CLIP1: variants seen among roughly 807,000 people sequenced by gnomAD.
The protein encoded by CLIP1 is CAP-Gly domain containing linker protein 1.
CLIP1 carries 66 observed loss-of-function variants against 161.6 expected under a neutral mutation model. The observed-to-expected ratio is 0.41, with a 90% CI of 0.33 to 0.50. CLIP1 has a LOEUF of 0.50. Among genes scored for constraint, CLIP1 ranks in the 20% least tolerant of loss-of-function variants. The pLI, the probability that CLIP1 is intolerant of heterozygous loss-of-function variation, is 0.27. For synonymous variants in CLIP1, 598 were observed against 626.2 expected, an observed-to-expected ratio of 0.96 and a Z score of 0.67; for missense variants, 1,376 against 1,702.0, an observed-to-expected ratio of 0.81 and a Z score of 3.37.
chr12:122,354,406 A>C, intron 7 of CLIP1, 47 bp downstream of exon 7: 1 of 1,491,710 alleles, frequency 6.7e-7, no homozygotes, highest in Non-Finnish European at 9.3e-7. Context: ...AAAACAAAAA[A>C]AAAGGGGGAA....
chr12:122,328,525 A>G (rs1951799087), intron 15 of CLIP1, 99 bp from the exon 16 acceptor site: 1 of 695,586 alleles, frequency 1.4e-6, no homozygotes, highest in Admixed American at 3.9e-5. Context: ...ATTATTTTCA[A>G]AAGTTATGTG....
At chr12:122,310,229 G>C (rs1951015048) in intron 19 of CLIP1, among the ~76,000 whole-genome samples, 3 of 152,056 alleles carry the variant, frequency 2.0e-5, no homozygotes, top group Admixed American at 2.0e-4. Context: ...ATTTCCATTA[G>C]ATGATTTTAC....
At chr12:122,366,492 T>C (rs1447254057) in intron 3 of CLIP1, among the ~76,000 whole-genome samples, 1 of 151,746 alleles carries the variant, frequency 6.6e-6, no homozygotes, top group Non-Finnish European at 1.5e-5. Flanking sequence ...AAAATAATAA[T>C]TGACTCTTGC....
chr12:122,322,634 A>G (rs1208124653), intron 17 of CLIP1: 1 of 152,124 alleles, frequency 6.6e-6, no homozygotes, highest in Non-Finnish European at 1.5e-5. Flanking sequence ...CTCGATACAC[A>G]CTCTTAACTC....
rs560632569 is a variant in CLIP1 at position 122,288,797 on chromosome 12, A to G, written c.3595-256T>C. ...ATTAAACAATCACACCTTGAACACA[A>G]CGAAGCACATCTTTTTTTTTTTTTT... On this transcript the variant is annotated intron_variant, in intron 20 of 25. Transcript: ENST00000620786. Among the ~76,000 whole-genome samples, 14 of 148,942 alleles carry G rather than the reference A, an allele frequency of 9.4e-5. 1 individual carries two copies. In the South Asian group the frequency reaches 2.8e-3, roughly 30 times the overall value.
At chr12:122,284,302 A>G (rs1297528450) in intron 21 of CLIP1, among the ~76,000 whole-genome samples, 2 of 152,124 alleles carry the variant, frequency 1.3e-5, no homozygotes, top group Non-Finnish European at 2.9e-5. Context: ...GACATAAAAC[A>G]GGAACAGAGA....
At chr12:122,339,467 A>G (rs1182422597) in intron 11 of CLIP1, among the ~76,000 whole-genome samples, 1 of 151,982 alleles carries the variant, frequency 6.6e-6, no homozygotes, top group African/African-American at 2.4e-5. Flanking sequence ...CCTCCTGAGT[A>G]GCTGGGACTA....
chr12:122,379,943 T>TAAAAAAAAAAAA lies in CLIP1; in HGVS notation c.85+424_85+425insTTTTTTTTTTTT, dbSNP rs1566198620. 2.1e-4 allele frequency among the ~76,000 whole-genome samples: 15 copies of TAAAAAAAAAAAA among 70,396 alleles called. 3 individuals are homozygous for TAAAAAAAAAAAA. The East Asian group carries it at 6.0e-3, about 28-fold the overall frequency. 46.2% of individuals were successfully genotyped at this position (70,396 alleles called of 152,430 possible). On this transcript the variant is annotated intron_variant, in intron 2 of 25. Transcript: ENST00000620786. ...TGGGGAATAGAGCAAGACTCCATCT[T>TAAAAAAAAAAAA]TAAAAAAAAAAAAAAAAAATGCAAG...
At chr12:122,296,212 G>C (rs1950462811) in intron 20 of CLIP1, among the ~76,000 whole-genome samples, 3 of 152,142 alleles carry the variant, frequency 2.0e-5, no homozygotes, top group Admixed American at 1.3e-4. Flanking sequence ...AGAATGAACT[G>C]ACTATAAAGG....
intron 11 of CLIP1, among the ~76,000 whole-genome samples, chr12:122,339,206 C>T (rs1952378373): frequency 6.6e-6 from 1 of 152,084 alleles, no homozygotes; most frequent in African/African-American, 2.4e-5. Context: ...TCAGTATTTC[C>T]CCCAGAAAAG....
chr12:122,413,628 G>A (rs1367015125), intron 1 of CLIP1, among the ~76,000 whole-genome samples: 7 of 152,180 alleles, frequency 4.6e-5, no homozygotes, highest in African/African-American at 1.7e-4. Context: ...ATGTCTGCCT[G>A]TAGTCTCATT....
chr12:122,374,965 AAC>A (rs1420792426), intron 3 of CLIP1, among the ~76,000 whole-genome samples: 2 of 152,158 alleles, frequency 1.3e-5, no homozygotes, highest in Non-Finnish European at 2.9e-5. Context: ...ACCACGTTGA[AAC>A]ACAACAGCTG....
At chr12:122,349,058 T>C (rs1952891362) in intron 9 of CLIP1, among the ~76,000 whole-genome samples, 1 of 152,220 alleles carries the variant, frequency 6.6e-6, no homozygotes, top group Admixed American at 6.5e-5. Context: ...TGAAATACAA[T>C]TCAAGCCCTA....
At chr12:122,363,226 G>A (rs952510089) in intron 4 of CLIP1, among the ~76,000 whole-genome samples, 4 of 152,136 alleles carry the variant, frequency 2.6e-5, no homozygotes, top group East Asian at 1.9e-4. Flanking sequence ...CAGGCTGGAC[G>A]CGGTGGCTCA....
At chr12:122,368,073 C>T (rs775926779) in intron 3 of CLIP1, among the ~76,000 whole-genome samples, 5 of 152,262 alleles carry the variant, frequency 3.3e-5, no homozygotes, top group Middle Eastern at 3.4e-3. Flanking sequence ...CATGTAACTC[C>T]TAATACTGTG....
chr12:122,332,184 A>C (rs1158139862), intron 15 of CLIP1, among the ~76,000 whole-genome samples: 1 of 151,088 alleles, frequency 6.6e-6, no homozygotes. Context: ...AATCTCAGCT[A>C]CTCGGGAGGC....
In CLIP1 at chr12:122,285,722, C is replaced by G. The variant is rs149505978; in HGVS notation, c.3647+2767G>C. Among the ~76,000 whole-genome samples the G allele has an allele frequency of 1.4e-3, 206 of 151,730 alleles. 1 individual carries two copies. The highest frequency in any genetic ancestry group is 2.2e-3 in the Non-Finnish European group (150 of 67,892). ...GAACTCTTGTGCTCAACTGATCCTC[C>G]CTTTTTGGCCTCCCAAAGTGCTGGG... On this transcript the variant is annotated intron_variant, in intron 21 of 25. Coordinates refer to ENST00000620786, the MANE Select transcript of CLIP1 (RefSeq NM_001247997.2).
At chr12:122,398,057 G>A (rs1303605858) in intron 1 of CLIP1, among the ~76,000 whole-genome samples, 2 of 152,062 alleles carry the variant, frequency 1.3e-5, no homozygotes, top group Non-Finnish European at 2.9e-5. Context: ...TAATACAGTG[G>A]CAAACAGATA....
chr12:122,312,205 A>T (rs1442774302), intron 19 of CLIP1, among the ~76,000 whole-genome samples: 1 of 152,252 alleles, frequency 6.6e-6, no homozygotes, highest in Non-Finnish European at 1.5e-5. Context: ...TTATCATGCT[A>T]AATGTATTGT....
Sources: allele counts gnomAD v4.1 joint callset (sites outside exome capture counted in the v4.1 genomes callset), GRCh38; gene constraint gnomAD v4.1.1; transcripts MANE v1.5; gene names NCBI Gene and HGNC (gene_info 2026-07-23, HGNC 2026-07-21).